Variants in GRIN2A observed in about 807,000 individuals in gnomAD.
GRIN2A encodes glutamate ionotropic receptor NMDA type subunit 2A, also known as glutamate receptor ionotropic, NMDA 2A.
A neutral mutation model predicts 113.4 loss-of-function variants in GRIN2A; 22 were observed. The observed-to-expected ratio is 0.19, with a 90% CI of 0.14 to 0.28. The LOEUF (loss-of-function observed/expected upper bound fraction) is 0.28, where lower values mean the gene tolerates loss of function less well. GRIN2A is among the 10% of genes least tolerant of loss of function. The probability of loss-of-function intolerance (pLI) is 1.00; values close to 1 mark genes in which losing one functional copy is unlikely to be tolerated. For missense variants in GRIN2A, 1,502 were observed against 1,887.0 expected (o/e 0.80, Z 3.78); for synonymous variants, 827 against 738.4 (o/e 1.12, Z -1.94).
chr16:9,892,212 C>G (rs2043708407), intron 3 of GRIN2A, among the ~76,000 whole-genome samples: 1 of 151,110 alleles, frequency 6.6e-6, no homozygotes, highest in South Asian at 2.1e-4. Context: ...GCCTGGGCAA[C>G]AAGTGTGAAA....
At chr16:10,047,307 G>A (rs563314562) in intron 2 of GRIN2A, among the ~76,000 whole-genome samples, 4 of 152,218 alleles carry the variant, frequency 2.6e-5, no homozygotes, top group South Asian at 4.1e-4. Flanking sequence ...TTACTGTCTC[G>A]ATCTCAGTTT....
chr16:10,012,963 C>T (rs2046536261), intron 2 of GRIN2A, among the ~76,000 whole-genome samples: 1 of 152,140 alleles, frequency 6.6e-6, no homozygotes, highest in Non-Finnish European at 1.5e-5. Flanking sequence ...CAACTGCAAA[C>T]AATTGTTGCA....
chr16:10,049,269 TGC>T (rs1246504091), intron 2 of GRIN2A, among the ~76,000 whole-genome samples: 3,612 of 152,330 alleles, frequency 0.024, 159 homozygotes, highest in African/African-American at 0.083. Context: ...TACATTTAAA[TGC>T]TCTGTGTTTA....
rs1902183364 is a variant in GRIN2A, at chr16:9,785,490, A to G, written c.2356+12787T>C. On this transcript the variant is annotated intron_variant, in intron 11 of 12. Coordinates refer to ENST00000330684, the MANE Select transcript of GRIN2A (RefSeq NM_001134407.3). ...GCATTAGGAGATATACCTAATGTTA[A>G]ATGACGAGTTAATGGGTACAGCACA... is the stretch of plus-strand genomic sequence containing the variant. 2.0e-5 allele frequency among the ~76,000 whole-genome samples: 3 copies of G among 151,490 alleles called. No individual in the cohort carries two copies. In the South Asian group the frequency reaches 6.3e-4, roughly 32 times the overall value.
chr16:10,025,440 T>G (rs2046802510), intron 2 of GRIN2A, among the ~76,000 whole-genome samples: 1 of 151,864 alleles, frequency 6.6e-6, no homozygotes, highest in Non-Finnish European at 1.5e-5. Context: ...TAGCTGGGAC[T>G]ATAGGCCTAT....
At chr16:10,144,922 A>G (rs1035242541) in intron 2 of GRIN2A, among the ~76,000 whole-genome samples, 278 of 148,290 alleles carry the variant, frequency 1.9e-3, no homozygotes, top group African/African-American at 6.7e-3. Context: ...CCCTGTCTCA[A>G]AAAAAAAAAA....
Position 9,945,123 on chromosome 16 carries a change from C to G in GRIN2A, c.415-6572G>C, listed in dbSNP as rs193040429. On this transcript the variant is annotated intron_variant, in intron 2 of 12. Coordinates refer to ENST00000330684, the MANE Select transcript of GRIN2A (RefSeq NM_001134407.3). The stretch of plus-strand genomic sequence containing the variant: ...ATAGCTTGAGGCCAGGAGTTTGAAA[C>G]CAGTCTGGCCAACCCCAGAGTAAGA... 7.9e-5 allele frequency among the ~76,000 whole-genome samples: 12 copies of G among 152,164 alleles called. 1 individual carries two copies. Among genetic ancestry groups the G allele is most frequent in the Middle Eastern group, 3.4e-3 (1 of 294 alleles).
intron 2 of GRIN2A, among the ~76,000 whole-genome samples, chr16:10,039,621 G>A (rs2047105192): frequency 6.6e-6 from 1 of 151,710 alleles, no homozygotes; most frequent in Non-Finnish European, 1.5e-5. Context: ...TTGGGCGCGG[G>A]GAGGGTCTGC....
chr16:9,840,477 G>A (rs1266637717), intron 7 of GRIN2A, among the ~76,000 whole-genome samples, 170 bp downstream of exon 7: 1 of 152,084 alleles, frequency 6.6e-6, no homozygotes, highest in East Asian at 1.9e-4. Flanking sequence ...TTTGGGTGGG[G>A]ACCCAAAGCC....
intron 2 of GRIN2A, among the ~76,000 whole-genome samples, chr16:10,089,375 T>G (rs572762249): frequency 6.6e-6 from 1 of 152,322 alleles, no homozygotes; most frequent in East Asian, 1.9e-4. Context: ...ATGTGCAATT[T>G]TTTGTATGTC....
chr16:9,895,927 T>C (rs1280440708), intron 3 of GRIN2A, among the ~76,000 whole-genome samples: 1 of 152,224 alleles, frequency 6.6e-6, no homozygotes, highest in African/African-American at 2.4e-5. Context: ...AATTTGGAAA[T>C]ATCCAGTTTG....
intron 2 of GRIN2A, among the ~76,000 whole-genome samples, chr16:10,018,452 G>A (rs1005996009): frequency 2.0e-5 from 3 of 152,182 alleles, no homozygotes; most frequent in South Asian, 2.1e-4. Flanking sequence ...TCACCAAAAC[G>A]TGAAAGGGGA....
intron 2 of GRIN2A, among the ~76,000 whole-genome samples, chr16:9,954,823 A>T (rs911618035): frequency 1.3e-5 from 2 of 152,214 alleles, no homozygotes; most frequent in Non-Finnish European, 2.9e-5. Flanking sequence ...AAAGCAAGTC[A>T]TGCAGTGGGA....
intron 2 of GRIN2A, among the ~76,000 whole-genome samples, chr16:9,939,819 A>G (rs1355111147): frequency 6.6e-6 from 1 of 152,148 alleles, no homozygotes; most frequent in Non-Finnish European, 1.5e-5. Context: ...ATGGTGCAAA[A>G]ATGCCAACTA....
intron 2 of GRIN2A, among the ~76,000 whole-genome samples, chr16:10,117,420 T>C (rs571684888): frequency 5.3e-5 from 8 of 152,370 alleles, no homozygotes; most frequent in African/African-American, 1.9e-4. Flanking sequence ...CATGAGTTGA[T>C]AAATGCTGAA....
intron 4 of GRIN2A, among the ~76,000 whole-genome samples, chr16:9,860,756 G>A (rs2043053969): frequency 6.6e-6 from 1 of 152,108 alleles, no homozygotes; most frequent in Non-Finnish European, 1.5e-5. Flanking sequence ...AAAATCAACA[G>A]AAAAGAGATG....
chr16:10,065,069 A>T (rs1427099274), intron 2 of GRIN2A, among the ~76,000 whole-genome samples: 1 of 152,242 alleles, frequency 6.6e-6, no homozygotes, highest in East Asian at 1.9e-4. Context: ...AAGTCTGGTG[A>T]TAACATAGAC....
chr16:9,800,546 A>G (rs144569025), intron 10 of GRIN2A, among the ~76,000 whole-genome samples: 24 of 152,272 alleles, frequency 1.6e-4, no homozygotes, highest in African/African-American at 5.3e-4. Context: ...AGGACTCCCT[A>G]TGGGAACAAA....
At chr16:10,034,845 T>C (rs1355426070) in intron 2 of GRIN2A, among the ~76,000 whole-genome samples, 4 of 152,226 alleles carry the variant, frequency 2.6e-5, no homozygotes, top group African/African-American at 4.8e-5. Flanking sequence ...CAGTGATTTG[T>C]TGGCTGAGAC....
Sources: allele counts gnomAD v4.1 joint callset (sites outside exome capture counted in the v4.1 genomes callset), GRCh38; gene constraint gnomAD v4.1.1; transcripts MANE v1.5; gene names NCBI Gene and HGNC (gene_info 2026-07-23, HGNC 2026-07-21).